CRYBG3: variants seen among roughly 807,000 people sequenced by gnomAD.
CRYBG3 encodes the protein very large A-kinase anchor protein.
CRYBG3 carries 127 observed loss-of-function variants against 244.2 expected under a neutral mutation model. The observed-to-expected ratio is 0.52, with a 90% confidence interval of 0.45 to 0.60. CRYBG3 has a LOEUF of 0.60. Among genes scored for constraint, CRYBG3 ranks in the 20% least tolerant of loss-of-function variants. The pLI is 0.00. For missense variants in CRYBG3, 3,325 were observed against 3,442.5 expected, an observed-to-expected ratio of 0.97 and a Z score of 0.85; for synonymous variants, 1,132 against 1,195.8, an observed-to-expected ratio of 0.95 and a Z score of 1.10.
intron 11 of CRYBG3, 102 bp downstream of exon 11, chr3:97,893,095 A>C: frequency 9.9e-7 from 1 of 1,008,462 alleles, no homozygotes; most frequent in Non-Finnish European, 1.5e-6. Context: ...TAATCTAAAA[A>C]TATACATTCC....
chr3:97,879,599 T>C, intron 4 of CRYBG3, 105 bp from the exon 5 acceptor site: 1 of 724,862 alleles, frequency 1.4e-6, no homozygotes, highest in South Asian at 2.0e-5. Flanking sequence ...TAATGATCAC[T>C]AACTAAATAT....
At chr3:97,943,039 T>C (rs2040266798) in intron 21 of CRYBG3, 187 bp from the exon 22 acceptor site, 3 of 561,508 alleles carry the variant, frequency 5.3e-6, no homozygotes, top group Admixed American at 3.5e-5. Context: ...ATTTGAGTCA[T>C]AATAAGGTCC....
chr3:97,929,239 C>T (rs565278437), intron 17 of CRYBG3, among the ~76,000 whole-genome samples: 2 of 151,766 alleles, frequency 1.3e-5, no homozygotes, highest in African/African-American at 2.4e-5. Context: ...TGGACTAAGG[C>T]GAAGACATTT....
intron 2 of CRYBG3, among the ~76,000 whole-genome samples, chr3:97,860,092 T>C (rs527403531): frequency 8.5e-5 from 13 of 152,320 alleles, no homozygotes; most frequent in African/African-American, 2.4e-4. Context: ...CTTATGACTA[T>C]TCCTATTTCC....
intron 2 of CRYBG3, among the ~76,000 whole-genome samples, chr3:97,860,424 G>A (rs927753619): frequency 1.2e-4 from 19 of 152,116 alleles, no homozygotes; most frequent in African/African-American, 4.6e-4. Flanking sequence ...AAAGCGGTTA[G>A]GCAGTTTTAC....
chr3:97,837,368 G>A (rs181452020), intron 1 of CRYBG3, among the ~76,000 whole-genome samples: 3 of 152,160 alleles, frequency 2.0e-5, no homozygotes, highest in Admixed American at 1.3e-4. Flanking sequence ...GAGGTAGAAG[G>A]GGAGGTGCTG....
chr3:97,924,481 G>C (rs1382482649), intron 17 of CRYBG3: 1 of 429,188 alleles, frequency 2.3e-6, no homozygotes, highest in African/African-American at 2.1e-5. Context: ...AGCTTAAGAT[G>C]ACAGATATTT....
intron 17 of CRYBG3, among the ~76,000 whole-genome samples, chr3:97,916,639 C>T (rs1286838412): frequency 1.3e-5 from 2 of 152,108 alleles, no homozygotes; most frequent in East Asian, 3.9e-4. Context: ...TAACTCAAAC[C>T]TTTCTGTCAG....
chr3:97,872,728 A>G lies in CRYBG3; in HGVS notation c.1534A>G (p.Arg512Gly). The G allele has an allele frequency of 6.5e-7, 1 of 1,535,990 alleles. No homozygotes were observed. Among genetic ancestry groups the G allele is most frequent in the Non-Finnish European group, 8.7e-7 (1 of 1,146,814 alleles). Reference sequence around the variant, plus strand: ...CACAGAATTTGTAAATGAAGGAAAGAGATTGTCTGCCCAAGACTCACAGAA... The same window carrying G: ...CACAGAATTTGTAAATGAAGGAAAGGGATTGTCTGCCCAAGACTCACAGAA... ...TDTEFVNEGK[R>G]LSAQDSQKNV... The change falls in exon 4 of 22, where the codon AGA becomes GGA. Residue 512 changes from arginine (R) to glycine (G), a missense_variant. By Grantham distance (125) the Arg-to-Gly change is moderately radical (BLOSUM62 -2). Around this residue, in one of 4 missense-constraint regions of CRYBG3, gnomAD observed 1,526 missense variants for 1,443.2 expected, o/e 1.06. Coordinates refer to ENST00000389622, the MANE Select transcript of CRYBG3 (RefSeq NM_153605.4).
intron 17 of CRYBG3, among the ~76,000 whole-genome samples, chr3:97,931,220 C>G (rs2040093636): frequency 6.6e-6 from 1 of 152,094 alleles, no homozygotes; most frequent in Non-Finnish European, 1.5e-5. Context: ...GGTGCTGAAA[C>G]AGCATTCATA....
intron 18 of CRYBG3, among the ~76,000 whole-genome samples, chr3:97,936,202 C>T (rs1466404140): frequency 1.3e-5 from 2 of 152,078 alleles, no homozygotes; most frequent in East Asian, 3.9e-4. Context: ...TCTTGAGACT[C>T]CAGTGTACTT....
Position 97,864,258 on chromosome 3 carries a change from A to G in CRYBG3, c.258A>G (p.Pro86=). The G allele has an allele frequency of 1.3e-6, 2 of 1,523,852 alleles. No individual in the cohort carries two copies. The highest frequency in any genetic ancestry group is 1.7e-6 in the Non-Finnish European group (2 of 1,143,020). The allele number at this position is 1,523,852 out of a possible 1,614,324, so 94.4% of individuals were successfully genotyped here. ...ACAAAAGGAACCATGCTGAGAAGCC[A>G]GTCACTCTTCCAGTGCAGGAAGATC... ...SEDKRNHAEK[P]VTLPVQEDPK... The change falls in exon 3 of 22, where the codon CCA becomes CCG. Residue 86 remains proline, a synonymous_variant. Transcript: ENST00000389622.
chr3:97,869,525 C>T (rs1301101727), intron 3 of CRYBG3, among the ~76,000 whole-genome samples: 1 of 152,018 alleles, frequency 6.6e-6, no homozygotes, highest in Non-Finnish European at 1.5e-5. Context: ...ACGAGGCTTA[C>T]ATAGAGAGAT....
intron 3 of CRYBG3, among the ~76,000 whole-genome samples, chr3:97,865,606 G>A (rs2039219542): frequency 6.6e-6 from 1 of 152,120 alleles, no homozygotes; most frequent in Non-Finnish European, 1.5e-5. Context: ...TGATCCAGCT[G>A]TGGTATTTGA....
At chr3:97,896,732 G>T (rs1037709601) in intron 12 of CRYBG3, among the ~76,000 whole-genome samples, 2 of 152,186 alleles carry the variant, frequency 1.3e-5, no homozygotes, top group Admixed American at 1.3e-4. Context: ...ATCTGGAGCA[G>T]TGGTGCTACT....
At chr3:97,841,172 A>T (rs2038807136) in intron 1 of CRYBG3, among the ~76,000 whole-genome samples, 1 of 151,100 alleles carries the variant, frequency 6.6e-6, no homozygotes, top group South Asian at 2.1e-4. Context: ...TTATGTGTTT[A>T]ACACACAGCT....
chr3:97,840,611 T>TTCTCTC (rs2038797959), intron 1 of CRYBG3: 1 of 152,120 alleles, frequency 6.6e-6, no homozygotes. Flanking sequence ...CTCATGAACT[T>TTCTCTC]AGCTGTATTT....
At chr3:97,863,561 A>G (rs2039181763) in intron 2 of CRYBG3, among the ~76,000 whole-genome samples, 1 of 152,112 alleles carries the variant, frequency 6.6e-6, no homozygotes, top group Non-Finnish European at 1.5e-5. Flanking sequence ...CTGAAGTACC[A>G]TGTTACTGTC....
chr3:97,903,289 T>C (rs571794348), intron 15 of CRYBG3, among the ~76,000 whole-genome samples: 52 of 152,256 alleles, frequency 3.4e-4, no homozygotes, highest in Admixed American at 1.5e-3. Flanking sequence ...TACAGTAAGA[T>C]TCACAAGCAG....
Sources: allele counts gnomAD v4.1 joint callset (sites outside exome capture counted in the v4.1 genomes callset), GRCh38; gene constraint gnomAD v4.1.1; regional missense constraint gnomAD v4.1.1; transcripts MANE v1.5; gene names NCBI Gene and HGNC (gene_info 2026-07-23, HGNC 2026-07-21).